Variants in CCDC171 observed in about 807,000 individuals in gnomAD.
CCDC171 encodes coiled-coil domain containing 171, also known as coiled-coil domain-containing protein 171.
Under a neutral mutation model 168.2 loss-of-function variants are expected in CCDC171, and 177 were observed. The observed-to-expected ratio is 1.05, with a 90% CI of 0.93 to 1.19. The LOEUF (loss-of-function observed/expected upper bound fraction) is 1.19, where lower values mean the gene tolerates loss of function less well. Among genes scored for constraint, CCDC171 ranks in the 50% most tolerant of loss-of-function variants. The probability of loss-of-function intolerance (pLI) is 0.00; values close to 1 mark genes in which losing one functional copy is unlikely to be tolerated. For synonymous variants in CCDC171, 687 were observed against 540.8 expected, an observed-to-expected ratio of 1.27 and a Z score of -3.75; for missense variants, 1,991 against 1,539.0, an observed-to-expected ratio of 1.29 and a Z score of -4.91.
chr9:15,626,892 T>A (rs1362695721), intron 7 of CCDC171, among the ~76,000 whole-genome samples: 1 of 152,236 alleles, frequency 6.6e-6, no homozygotes, highest in African/African-American at 2.4e-5. Context: ...GAAGGAATGG[T>A]ACCAGCTCCT....
intron 21 of CCDC171, among the ~76,000 whole-genome samples, chr9:15,787,374 C>G (rs1184161133): frequency 2.0e-5 from 3 of 152,034 alleles, no homozygotes; most frequent in Non-Finnish European, 4.4e-5. Flanking sequence ...TTTGCCCATC[C>G]CCACTCACAG....
At chr9:15,987,659 T>C (rs376036496) in intron 3 of CCDC171, among the ~76,000 whole-genome samples, 12 of 148,556 alleles carry the variant, frequency 8.1e-5, no homozygotes, top group African/African-American at 3.0e-4. Flanking sequence ...GAGATGGAGT[T>C]ACATATATTG....
At chr9:16,088,608 A>G in the CCDC171 span, among the ~76,000 whole-genome samples, 59 of 152,196 alleles carry the variant, frequency 3.9e-4, no homozygotes, top group Non-Finnish European at 1.6e-4. Context: ...ACTCCCATTC[A>G]CAATTGCTAC....
At chr9:15,735,192 G>T (rs1307529256) in intron 16 of CCDC171, among the ~76,000 whole-genome samples, 1 of 152,176 alleles carries the variant, frequency 6.6e-6, no homozygotes, top group East Asian at 1.9e-4. Context: ...TACTATCACA[G>T]CATGTCTTTA....
intron 18 of CCDC171, among the ~76,000 whole-genome samples, chr9:15,764,597 G>A (rs1564365968): frequency 6.6e-6 from 1 of 152,202 alleles, no homozygotes; most frequent in African/African-American, 2.4e-5. Context: ...GAAGGAACAA[G>A]TAGGAAGAGA....
At chr9:15,889,318 T>C (rs1171065167) in intron 24 of CCDC171, among the ~76,000 whole-genome samples, 2 of 152,158 alleles carry the variant, frequency 1.3e-5, no homozygotes, top group Non-Finnish European at 2.9e-5. Context: ...AATGTGAGAA[T>C]TGTACTAGCA....
chr9:15,623,467 G>GCGCGCGCGCGCGCGCGCGCA, intron 7 of CCDC171, 54 bp downstream of exon 7: 2 of 587,394 alleles, frequency 3.4e-6, no homozygotes, highest in Non-Finnish European at 5.2e-6. Context: ...TCACATATGC[G>GCGCGCGCGCGCGCGCGCGCA]CGCGCGCGCA....
chr9:15,885,456 G>A (rs1259034291), intron 24 of CCDC171: 3 of 152,100 alleles, frequency 2.0e-5, no homozygotes, highest in African/African-American at 7.2e-5. Flanking sequence ...TTGAGAGAAC[G>A]AAGCCTGTGA....
chr9:15,654,520 T>A (rs910882920), intron 7 of CCDC171, among the ~76,000 whole-genome samples: 1 of 152,216 alleles, frequency 6.6e-6, no homozygotes, highest in African/African-American at 2.4e-5. Context: ...ACAGACTGCT[T>A]GATTAGTTTG....
chr9:15,638,825 A>C (rs2046387816), intron 7 of CCDC171, among the ~76,000 whole-genome samples: 1 of 152,060 alleles, frequency 6.6e-6, no homozygotes, highest in Non-Finnish European at 1.5e-5. Flanking sequence ...CCATAGAATC[A>C]AGGGAAAAGC....
At chr9:15,887,961 A>G (rs936498819) in intron 24 of CCDC171, 1 of 152,214 alleles carries the variant, frequency 6.6e-6, no homozygotes, top group African/African-American at 2.4e-5. Context: ...TGAGCTGAGT[A>G]TGAGAGAGGG....
At chr9:15,793,553 T>TTTTTTTTTTTTTTTG (rs2058386246) in intron 21 of CCDC171, among the ~76,000 whole-genome samples, 1 of 40,130 alleles carries the variant, frequency 2.5e-5, no homozygotes, top group African/African-American at 5.9e-5. Flanking sequence ...ATTCCAAGGT[T>TTTTTTTTTTTTTTTG]TTTTTTTTTT....
downstream of CCDC171, among the ~76,000 whole-genome samples, chr9:15,975,588 A>G (rs1037118062): frequency 3.3e-5 from 5 of 152,174 alleles, no homozygotes; most frequent in Non-Finnish European, 5.9e-5. Context: ...CTTGGCCAAA[A>G]GACCACACAG....
intron 11 of CCDC171, among the ~76,000 whole-genome samples, chr9:15,699,918 T>C (rs1564239041): frequency 6.6e-6 from 1 of 152,178 alleles, no homozygotes; most frequent in Non-Finnish European, 1.5e-5. Flanking sequence ...GTATTTATAT[T>C]CCCTGAGCTA....
chr9:16,094,848 A>C, the CCDC171 span, among the ~76,000 whole-genome samples: 1 of 152,326 alleles, frequency 6.6e-6, no homozygotes, highest in African/African-American at 2.4e-5. Flanking sequence ...CAAATCATCA[A>C]ATCTAATTGT....
chr9:15,750,184 T>C (rs2134801060), intron 18 of CCDC171, among the ~76,000 whole-genome samples: 1 of 152,200 alleles, frequency 6.6e-6, no homozygotes, highest in South Asian at 2.1e-4. Context: ...GAGAATGCTA[T>C]AAAGACCTCT....
intron 21 of CCDC171, among the ~76,000 whole-genome samples, chr9:15,812,880 A>T (rs1204884003): frequency 3.9e-5 from 6 of 152,154 alleles, no homozygotes; most frequent in African/African-American, 1.2e-4. Context: ...CATGGGTTTA[A>T]ATTATCTTGC....
At chr9:15,571,499 T>A (rs987698097) in intron 2 of CCDC171, 125 bp from the exon 3 acceptor site, 2 of 708,524 alleles carry the variant, frequency 2.8e-6, no homozygotes, top group Non-Finnish European at 4.4e-6. Context: ...GATTGTGAAC[T>A]CTAAGTCAAG....
Position 15,780,009 on chromosome 9 carries a change from C to T in CCDC171, c.3081+859C>T, listed in dbSNP as rs542152675. On this transcript the variant is annotated intron_variant, in intron 20 of 25. Coordinates refer to ENST00000380701, the MANE Select transcript of CCDC171 (RefSeq NM_173550.4). The stretch of plus-strand genomic sequence containing the variant: ...CAACTTAAAACAGCTACTATAACTT[C>T]AGTTTAAATGTGCTTTTATCTTTTG... Among the ~76,000 whole-genome samples, 151 of 152,352 alleles carry T rather than the reference C, an allele frequency of 9.9e-4. 1 individual carries two copies. The highest frequency in any genetic ancestry group is 3.4e-3 in the Middle Eastern group (1 of 294).
Sources: gnomAD v4.1 joint callset for allele counts (sites outside exome capture counted in the v4.1 genomes callset) on GRCh38, gnomAD v4.1.1 for gene constraint, MANE v1.5 for transcripts, NCBI Gene and HGNC (gene_info 2026-07-23, HGNC 2026-07-21) for gene names.